Variants in C9 observed in about 807,000 individuals in gnomAD.
C9 encodes the protein complement C9, also known as complement component C9.
A neutral mutation model predicts 65.4 loss-of-function variants in C9; 63 were observed. The observed-to-expected ratio is 0.96, with a 90% confidence interval of 0.79 to 1.19. The LOEUF (loss-of-function observed/expected upper bound fraction) is 1.19, where lower values mean the gene tolerates loss of function less well. Ranked by LOEUF, C9 falls within the 50% of genes most tolerant of loss-of-function variation. C9 has a pLI of 0.00. For synonymous variants in C9, 229 were observed against 227.9 expected, an observed-to-expected ratio of 1.00 and a Z score of -0.04; for missense variants, 744 against 670.1, an observed-to-expected ratio of 1.11 and a Z score of -1.22.
intron 6 of C9, among the ~76,000 whole-genome samples, chr5:39,312,621 G>A (rs1209649404): frequency 6.6e-6 from 1 of 152,044 alleles, no homozygotes; most frequent in African/African-American, 2.4e-5. Context: ...TACCTTTCCC[G>A]GAGAAAACTA....
intron 4 of C9, among the ~76,000 whole-genome samples, chr5:39,332,659 A>C (rs1353987176): frequency 6.6e-6 from 1 of 152,200 alleles, no homozygotes; most frequent in Non-Finnish European, 1.5e-5. Flanking sequence ...AGGTTTGAGG[A>C]TCAAATCTAT....
chr5:39,289,821 G>T (rs186801887), intron 9 of C9, among the ~76,000 whole-genome samples: 2 of 151,934 alleles, frequency 1.3e-5, no homozygotes, highest in African/African-American at 4.8e-5. Flanking sequence ...TTCCCAGATG[G>T]AAGTGTTAGG....
intron 9 of C9, among the ~76,000 whole-genome samples, chr5:39,292,357 A>G (rs569083190): frequency 6.6e-6 from 1 of 151,846 alleles, no homozygotes; most frequent in East Asian, 1.9e-4. Context: ...ACAAAAAAAA[A>G]TCCACACAAA....
intron 9 of C9, among the ~76,000 whole-genome samples, chr5:39,303,601 T>C (rs922077742): frequency 2.0e-5 from 3 of 151,470 alleles, no homozygotes; most frequent in Admixed American, 6.6e-5. Context: ...ACTTAGAAAA[T>C]CTCAGTAACA....
intron 1 of C9, among the ~76,000 whole-genome samples, chr5:39,353,555 T>C (rs1169945347): frequency 2.6e-5 from 4 of 152,214 alleles, no homozygotes; most frequent in Non-Finnish European, 5.9e-5. Flanking sequence ...TTTCTGGGAA[T>C]CCACCTTAAC....
At chr5:39,328,919 T>C (rs1187803346) in intron 5 of C9, among the ~76,000 whole-genome samples, 2 of 152,204 alleles carry the variant, frequency 1.3e-5, no homozygotes, top group Non-Finnish European at 2.9e-5. Flanking sequence ...GCAGTCCACA[T>C]GATATTGAAG....
chr5:39,289,898 G>A (rs1753058636), intron 9 of C9, among the ~76,000 whole-genome samples: 3 of 151,866 alleles, frequency 2.0e-5, no homozygotes, highest in Non-Finnish European at 4.4e-5. Context: ...TAAATGAAAG[G>A]TGAATTTTCT....
At chr5:39,301,701 T>C (rs1753286861) in intron 9 of C9, among the ~76,000 whole-genome samples, 1 of 140,448 alleles carries the variant, frequency 7.1e-6, no homozygotes. Flanking sequence ...AGAGGACATC[T>C]GTATCAAAAA....
At position 39,284,825 on chromosome 5, in the gene C9, T is replaced by G. The variant is rs143172178; in HGVS notation, c.*374A>C. The stretch of plus-strand genomic sequence containing the variant: ...ATTGCATGGTACAGACGTGTGGTCA[T>G]GGACCTGGCAGAATATGTTAACCAT... On this transcript the variant is annotated 3_prime_UTR_variant, in exon 11 of 11. Coordinates refer to ENST00000263408, the MANE Select transcript of C9 (RefSeq NM_001737.5). 1.1e-5 allele frequency: 3 copies of G among 272,068 alleles called. No individual in the cohort carries two copies. The highest frequency in any genetic ancestry group is 6.7e-5 in the African/African-American group (3 of 44,876). The allele number at this position is 272,068 out of a possible 1,614,324, so 16.9% of individuals were successfully genotyped here.
At chr5:39,306,472 G>A in intron 9 of C9, 145 bp downstream of exon 9, 1 of 705,532 alleles carries the variant, frequency 1.4e-6, no homozygotes, top group South Asian at 1.7e-5. Flanking sequence ...TTTTCTCTAT[G>A]CCATGCCTCC....
intron 1 of C9, among the ~76,000 whole-genome samples, chr5:39,359,102 G>GTGTATA (rs1407613505): frequency 4.8e-5 from 5 of 103,650 alleles, no homozygotes; most frequent in South Asian, 3.1e-4. Context: ...GTGTGTGTGT[G>GTGTATA]TATATATATA....
At chr5:39,318,734 G>A (rs13354342) in intron 5 of C9, among the ~76,000 whole-genome samples, 4,482 of 152,090 alleles carry the variant, frequency 0.029, 203 homozygotes, top group African/African-American at 0.1. Context: ...TTGAGTGGTT[G>A]TTCTGCATGA....
intron 5 of C9, among the ~76,000 whole-genome samples, chr5:39,319,984 G>T (rs1753639664): frequency 1.3e-5 from 2 of 152,172 alleles, no homozygotes. Context: ...CAGATGACTT[G>T]CCCAGAATCT....
intron 9 of C9, among the ~76,000 whole-genome samples, chr5:39,291,153 G>A (rs1339613593): frequency 6.6e-6 from 1 of 151,916 alleles, no homozygotes; most frequent in East Asian, 1.9e-4. Context: ...TGTGCTATCA[G>A]ACTTCAAACA....
At chr5:39,328,888 T>A (rs1287353284) in intron 5 of C9, among the ~76,000 whole-genome samples, 1 of 152,188 alleles carries the variant, frequency 6.6e-6, no homozygotes. Context: ...TAGGAAGTTA[T>A]GAGGCAACAA....
intron 4 of C9, among the ~76,000 whole-genome samples, chr5:39,340,195 G>A (rs1280222239): frequency 6.6e-6 from 1 of 151,914 alleles, no homozygotes; most frequent in East Asian, 1.9e-4. Flanking sequence ...CACCTACCAA[G>A]TATTTACTGA....
In C9 at chr5:39,315,504, G is replaced by T. The variant is rs183073658; in HGVS notation, c.870+271C>A. ...ATTCTGATGATCATATAAATTGAAT[G>T]GTATATTACCACAATCTCAGTCAAA... On this transcript the variant is annotated intron_variant, in intron 6 of 10. Coordinates refer to ENST00000263408, the MANE Select transcript of C9 (RefSeq NM_001737.5). 3.6e-3 allele frequency among the ~76,000 whole-genome samples: 551 copies of T among 152,056 alleles called. 9 individuals are homozygous for T. Among genetic ancestry groups the T allele is most frequent in the African/African-American group, 0.013 (522 of 41,482 alleles).
At chr5:39,347,965 T>G (rs1103809) in intron 1 of C9, among the ~76,000 whole-genome samples, 2 of 141,422 alleles carry the variant, frequency 1.4e-5, no homozygotes, top group Non-Finnish European at 3.1e-5. Context: ...CTGGCTAGCC[T>G]TATGTAGAAA....
At chr5:39,348,487 G>C (rs997683176) in intron 1 of C9, among the ~76,000 whole-genome samples, 16 of 152,194 alleles carry the variant, frequency 1.1e-4, no homozygotes, top group African/African-American at 3.9e-4. Context: ...TCTCACACCA[G>C]TTAGAATGGC....
Sources: gnomAD v4.1 joint callset for allele counts (sites outside exome capture counted in the v4.1 genomes callset) on GRCh38, gnomAD v4.1.1 for gene constraint, MANE v1.5 for transcripts, NCBI Gene and HGNC (gene_info 2026-07-23, HGNC 2026-07-21) for gene names.